The following NFIA variants were observed in gnomAD, a reference collection of about 807,000 sequenced individuals.
NFIA encodes nuclear factor I A, also known as nuclear factor 1 A-type.
NFIA carries 8 observed loss-of-function variants against 62.8 expected under a neutral mutation model. The ratio of observed to expected loss-of-function variants is 0.13; its 90% CI spans 0.07 to 0.23. NFIA has a LOEUF of 0.23. Among genes scored for constraint, NFIA ranks in the 10% least tolerant of loss-of-function variants. The pLI is 1.00. For synonymous variants in NFIA, 235 were observed against 238.1 expected (o/e 0.99, Z 0.12); for missense variants, 410 against 642.1 (o/e 0.64, Z 3.91).
rs758152307 is a variant in NFIA at position 61,457,887 on chromosome 1, T to G, written c.*2567T>G. 6 of 152,144 alleles carry G rather than the reference T, an allele frequency of 3.9e-5. No homozygotes were observed. The highest frequency in any genetic ancestry group is 2.1e-4 in the South Asian group (1 of 4,832). 9.4% of individuals were successfully genotyped at this position (152,144 alleles called of 1,614,324 possible). ...CTTCAGCTCCCACACCCCATTTTTC[T>G]TAGCAGACTGCAGTCAATCCACATT... is the stretch of plus-strand genomic sequence containing the variant. On this transcript the variant is annotated 3_prime_UTR_variant, in exon 11 of 11. Transcript: ENST00000403491. This position sits in a 1 kb window ranked among gnomAD's most constrained non-coding sequence, Gnocchi z 4.2.
chr1:61,141,540 A>G (rs968123400), intron 2 of NFIA, among the ~76,000 whole-genome samples: 1 of 152,202 alleles, frequency 6.6e-6, no homozygotes, highest in African/African-American at 2.4e-5. Context: ...GATAATTTCT[A>G]AAGAGTTTTG....
chr1:61,377,671 C>G (rs17356748), intron 6 of NFIA, among the ~76,000 whole-genome samples: 7,095 of 152,272 alleles, frequency 0.047, 232 homozygotes, highest in South Asian at 0.14. Flanking sequence ...ACTAAACTTT[C>G]TATTCTTGAC....
chr1:61,300,011 A>G (rs972070677), intron 3 of NFIA, among the ~76,000 whole-genome samples: 4 of 152,228 alleles, frequency 2.6e-5, no homozygotes, highest in Admixed American at 6.5e-5. Flanking sequence ...GAGTCCCAGT[A>G]AAAGTTTCTG....
rs1441882488 is a variant in NFIA, at chr1:61,082,598, G to A, written c.-194G>A. On this transcript the variant is annotated 5_prime_UTR_variant, in exon 1 of 11. Coordinates refer to ENST00000403491, the MANE Select transcript of NFIA (RefSeq NM_001134673.4). ...CAGCTCATGGAGCGGCAATAGCGCT[G>A]GCTGGCTGGCTGCAGTTGAGCCGAC... is the stretch of plus-strand genomic sequence containing the variant. The A allele has an allele frequency of 2.7e-6, 4 of 1,471,220 alleles. No individual in the cohort carries two copies. Among genetic ancestry groups the A allele is most frequent in the Non-Finnish European group, 2.7e-6 (3 of 1,113,700 alleles). The allele number at this position is 1,471,220 out of a possible 1,614,324, so 91.1% of individuals were successfully genotyped here.
chr1:61,449,159 C>G (rs1667952586), intron 10 of NFIA, among the ~76,000 whole-genome samples: 1 of 152,216 alleles, frequency 6.6e-6, no homozygotes. Context: ...GCTGCAACAA[C>G]TCTCCCGTCG....
At chr1:61,133,127 T>C (rs1351682825) in intron 2 of NFIA, 2 of 152,128 alleles carry the variant, frequency 1.3e-5, no homozygotes, top group African/African-American at 4.8e-5. Flanking sequence ...TCTAAAGACT[T>C]TTATAGGCAT....
intron 6 of NFIA, among the ~76,000 whole-genome samples, chr1:61,373,569 C>G (rs1392261270): frequency 1.3e-5 from 2 of 152,026 alleles, no homozygotes; most frequent in Non-Finnish European, 2.9e-5. Context: ...GACCCTTAAG[C>G]TCTAGCTCTC....
intron 7 of NFIA, among the ~76,000 whole-genome samples, chr1:61,401,479 A>G (rs1238851466): frequency 2.6e-5 from 4 of 152,218 alleles, no homozygotes; most frequent in South Asian, 2.1e-4. Context: ...TGAGGAGATG[A>G]CAGGGTGCTT....
At chr1:61,101,661 T>C (rs939988901) in intron 2 of NFIA, among the ~76,000 whole-genome samples, 5 of 152,178 alleles carry the variant, frequency 3.3e-5, no homozygotes, top group Admixed American at 1.3e-4. Context: ...CATAGCCACC[T>C]AAATTCCCTA....
chr1:61,404,057 A>G (rs779377939), intron 7 of NFIA, 47 bp from the exon 8 acceptor site: 1 of 1,601,908 alleles, frequency 6.2e-7, no homozygotes, highest in Non-Finnish European at 8.5e-7. Context: ...CAGCTATGAC[A>G]AAGCAGGTCT....
intron 2 of NFIA, among the ~76,000 whole-genome samples, chr1:61,123,719 G>A (rs1308250491): frequency 6.6e-6 from 1 of 152,078 alleles, no homozygotes; most frequent in African/African-American, 2.4e-5. Flanking sequence ...TTGGCTTAAT[G>A]ATATATTTCA....
chr1:61,289,344 C>T (rs1658716645), intron 3 of NFIA, among the ~76,000 whole-genome samples: 1 of 152,126 alleles, frequency 6.6e-6, no homozygotes, highest in Non-Finnish European at 1.5e-5. Context: ...GTGCTGAGTT[C>T]TATATTCATG....
chr1:61,155,597 C>T (rs768064004), intron 2 of NFIA, among the ~76,000 whole-genome samples: 55 of 142,360 alleles, frequency 3.9e-4, no homozygotes, highest in South Asian at 9.0e-4. Context: ...GGCGTGAACC[C>T]GGGAAGCGGA....
intron 2 of NFIA, among the ~76,000 whole-genome samples, chr1:61,239,066 G>A (rs1272709273): frequency 1.3e-5 from 2 of 152,006 alleles, no homozygotes; most frequent in African/African-American, 2.4e-5. Context: ...TAAAATAAAA[G>A]CAATCCCAAT....
At chr1:61,277,305 C>T (rs1312827844) in intron 2 of NFIA, among the ~76,000 whole-genome samples, 1 of 152,182 alleles carries the variant, frequency 6.6e-6, no homozygotes, top group African/African-American at 2.4e-5. Context: ...TAGGTGTCCG[C>T]AAACCGGAGC....
chr1:61,233,862 G>C (rs558348793), intron 2 of NFIA, among the ~76,000 whole-genome samples: 1 of 152,180 alleles, frequency 6.6e-6, no homozygotes, highest in African/African-American at 2.4e-5. Context: ...CCATGGGTCA[G>C]TGTATCCACA....
chr1:61,452,561 A>G (rs954415647), intron 10 of NFIA, among the ~76,000 whole-genome samples: 2 of 152,166 alleles, frequency 1.3e-5, no homozygotes, highest in East Asian at 1.9e-4. Context: ...TTCAGGAGTC[A>G]TATTGACACC....
chr1:61,363,027 C>A (rs1569618611), intron 6 of NFIA, among the ~76,000 whole-genome samples: 1 of 152,172 alleles, frequency 6.6e-6, no homozygotes, highest in Non-Finnish European at 1.5e-5. Context: ...ATTCTAGTTA[C>A]AATTGAGTAC....
chr1:61,149,396 A>G (rs1267895073), intron 2 of NFIA, among the ~76,000 whole-genome samples: 1 of 152,192 alleles, frequency 6.6e-6, no homozygotes, highest in Non-Finnish European at 1.5e-5. Context: ...CTCTAGCCCC[A>G]GACTATACTT....
Sources: allele counts gnomAD v4.1 joint callset (sites outside exome capture counted in the v4.1 genomes callset), GRCh38; gene constraint gnomAD v4.1.1; non-coding constraint Gnocchi (gnomAD v3.1); transcripts MANE v1.5; gene names NCBI Gene and HGNC (gene_info 2026-07-23, HGNC 2026-07-21).